The following IQCE variants were observed in gnomAD, a reference collection of about 807,000 sequenced individuals.
IQCE encodes IQ domain-containing protein E.
Under a neutral mutation model 96.0 loss-of-function variants are expected in IQCE, and 115 were observed. That is an observed-to-expected ratio of 1.20 (90% CI 1.03 to 1.40). The LOEUF (loss-of-function observed/expected upper bound fraction) is 1.40. IQCE is among the 40% of genes most tolerant of loss of function. IQCE has a pLI of 0.00. For synonymous variants in IQCE, 412 were observed against 371.2 expected, an observed-to-expected ratio of 1.11 and a Z score of -1.26; for missense variants, 1,041 against 909.1, an observed-to-expected ratio of 1.15 and a Z score of -1.87.
chr7:2,582,003 C>T (rs763561926), intron 8 of IQCE: 29 of 459,908 alleles, frequency 6.3e-5, no homozygotes, highest in South Asian at 2.7e-4. Context: ...TGAGCCACCG[C>T]GCCCGGCAAA....
intron 1 of IQCE, 21 bp from the exon 2 acceptor site, chr7:2,567,095 T>C: frequency 6.2e-7 from 1 of 1,611,524 alleles, no homozygotes; most frequent in South Asian, 1.1e-5. Context: ...CGAGTTACAG[T>C]GTTTGCCTCT....
rs375418895 is a variant in IQCE at position 2,567,518 on chromosome 7, C to T, written c.84+355C>T. 3.2e-4 allele frequency among the ~76,000 whole-genome samples: 48 copies of T among 152,328 alleles called. No individual in the cohort carries two copies. The East Asian group carries it at 8.7e-3, about 28-fold the overall frequency. ...GTCGGAAGGACCCGATGGGAGAAAGCAGACCTGGGCAGCCGCCATCCCAAG... is the reference window on the plus strand; with the variant it reads ...GTCGGAAGGACCCGATGGGAGAAAGTAGACCTGGGCAGCCGCCATCCCAAG... On this transcript the variant is annotated intron_variant, in intron 2 of 21. Transcript: ENST00000402050.
intron 6 of IQCE, 104 bp from the exon 7 acceptor site, chr7:2,578,138 G>A (rs985063074): frequency 6.0e-6 from 5 of 830,430 alleles, no homozygotes; most frequent in Non-Finnish European, 1.0e-5. Flanking sequence ...ACGTGTGTGC[G>A]GCGTGCCCGC....
intron 16 of IQCE, chr7:2,597,144 C>T (rs562928646): frequency 5.8e-4 from 272 of 468,828 alleles, no homozygotes; most frequent in Middle Eastern, 1.7e-3. Flanking sequence ...TGAGGTGAGC[C>T]GGCTGGTTAG....
intron 8 of IQCE, 26 bp downstream of exon 8, chr7:2,578,552 G>A: frequency 6.2e-7 from 1 of 1,613,418 alleles, no homozygotes; most frequent in Non-Finnish European, 8.5e-7. Flanking sequence ...GCAGGACAGA[G>A]CCTTTCCCCA....
In IQCE at chr7:2,590,060, C is replaced by G. The variant is rs186163271; in HGVS notation, c.1198C>G (p.Leu400Val). The G allele has an allele frequency of 3.1e-6, 5 of 1,612,968 alleles. No homozygotes were observed. The highest frequency in any genetic ancestry group is 4.2e-6 in the Non-Finnish European group (5 of 1,179,484). Reference protein sequence around the residue: ...HERLRGAVRDLKEERTALQEQ... With the variant: ...HERLRGAVRDVKEERTALQEQ... ...GCGTCTCCGAGGGGCTGTGAGAGAC[C>G]TGAAGGAAGAGCGGACCGCGCTGCA... The change falls in exon 14 of 22, where the codon CTG becomes GTG. Residue 400 changes from leucine (L) to valine (V), a missense_variant. Transcript: ENST00000402050.
chr7:2,577,663 G>A (rs1211757531), intron 6 of IQCE, among the ~76,000 whole-genome samples: 1 of 90,368 alleles, frequency 1.1e-5, no homozygotes. Context: ...GGCTGTGCGC[G>A]CGGGGACGTG....
Position 2,578,471 on chromosome 7 carries a change from C to G in IQCE, c.580-5C>G. 2 of 1,614,184 alleles carry G rather than the reference C, an allele frequency of 1.2e-6. No individual in the cohort carries two copies. The highest frequency in any genetic ancestry group is 1.7e-6 in the Non-Finnish European group (2 of 1,180,014). On this transcript the variant is annotated splice_polypyrimidine_tract_variant and splice_region_variant and intron_variant, in intron 7 of 21. Coordinates refer to ENST00000402050, the MANE Select transcript of IQCE (RefSeq NM_152558.5). ...CGTCTTCATGTCTCAATCTGCTTAC[C>G]ACAGGGCACGGATTTTGTTCGGACT...
At chr7:2,580,411 A>G (rs151218717) in intron 8 of IQCE, among the ~76,000 whole-genome samples, 1 of 152,038 alleles carries the variant, frequency 6.6e-6, no homozygotes, top group Non-Finnish European at 1.5e-5. Context: ...GGAGTTCAAG[A>G]CCAGCCTGGC....
intron 3 of IQCE, 96 bp downstream of exon 3, chr7:2,569,095 A>G (rs1321549898): frequency 8.3e-7 from 1 of 1,210,702 alleles, no homozygotes. Context: ...TAGGTAGCTG[A>G]GACCTGACGC....
At chr7:2,592,075 C>G (rs563354444) in intron 14 of IQCE, among the ~76,000 whole-genome samples, 17 of 152,176 alleles carry the variant, frequency 1.1e-4, no homozygotes, top group Admixed American at 7.2e-4. Flanking sequence ...GCGTGAGCCA[C>G]CGCGCCCGGC....
At chr7:2,567,306 T>G (rs532548432) in intron 2 of IQCE, 143 bp downstream of exon 2, 25 of 703,918 alleles carry the variant, frequency 3.6e-5, no homozygotes, top group Admixed American at 2.2e-4. Flanking sequence ...CCTTGGTGTT[T>G]GAAAAGTTTC....
chr7:2,573,346 C>A, intron 5 of IQCE, 72 bp from the exon 6 acceptor site: 1 of 761,668 alleles, frequency 1.3e-6, no homozygotes. Context: ...TCCAGGTTTT[C>A]CTTAAAGTAT....
At chr7:2,580,944 C>G (rs1257742409) in intron 8 of IQCE, among the ~76,000 whole-genome samples, 6 of 151,928 alleles carry the variant, frequency 3.9e-5, no homozygotes. Flanking sequence ...GAGACGGAGT[C>G]TGCTCCAGCT....
chr7:2,581,661 T>C (rs570683334), intron 8 of IQCE, among the ~76,000 whole-genome samples: 1 of 152,056 alleles, frequency 6.6e-6, no homozygotes, highest in South Asian at 2.1e-4. Context: ...GGCAACATAG[T>C]GAAACCCCAT....
intron 11 of IQCE, among the ~76,000 whole-genome samples, chr7:2,585,817 G>A (rs1489658905): frequency 1.3e-5 from 2 of 152,176 alleles, no homozygotes; most frequent in Admixed American, 1.3e-4. Flanking sequence ...TTGCAATTAC[G>A]GGACCTGCAG....
intron 13 of IQCE, among the ~76,000 whole-genome samples, chr7:2,588,547 G>GT (rs1562654590): frequency 6.7e-6 from 1 of 149,094 alleles, no homozygotes; most frequent in African/African-American, 2.5e-5. Context: ...TAGAGACGGG[G>GT]TTTCACCATG....
intron 1 of IQCE, among the ~76,000 whole-genome samples, chr7:2,565,899 A>T (rs766387106): frequency 6.6e-6 from 1 of 152,226 alleles, no homozygotes; most frequent in Non-Finnish European, 1.5e-5. Flanking sequence ...GTCACATTGC[A>T]CTTGTGTCCT....
rs1219422278 is a variant in IQCE at position 2,607,124 on chromosome 7, T to C, written c.1866T>C (p.Ser622=). 1 of 1,595,320 alleles carries C rather than the reference T, an allele frequency of 6.3e-7. No homozygotes were observed. The highest frequency in any genetic ancestry group is 2.3e-5 in the East Asian group (1 of 43,868). Residue 622 remains serine, a splice_region_variant and synonymous_variant, in exon 21 of 22, where the codon AGT becomes AGC. Transcript: ENST00000402050. The stretch of plus-strand genomic sequence containing the variant: ...GCTGGCGTTTTCTGTTTTTTTCCAG[T>C]GCTACCGGTAAAAGAACCACCACCG... The part of the protein sequence containing the change: ...LRAHLARARH[S]ATGKRTTTAA...
Sources: gnomAD v4.1 joint callset for allele counts (sites outside exome capture counted in the v4.1 genomes callset) on GRCh38, gnomAD v4.1.1 for gene constraint, MANE v1.5 for transcripts, NCBI Gene and HGNC (gene_info 2026-07-23, HGNC 2026-07-21) for gene names.